The following CADM2 variants were observed in gnomAD, a reference collection of about 807,000 sequenced individuals.
CADM2 encodes cell adhesion molecule 2.
A neutral mutation model predicts 49.8 loss-of-function variants in CADM2; 12 were observed. The ratio of observed to expected loss-of-function variants is 0.24; its 90% CI spans 0.15 to 0.39. The LOEUF (loss-of-function observed/expected upper bound fraction) is 0.39. CADM2 is among the 10% of genes least tolerant of loss of function. The pLI is 1.00. For missense variants in CADM2, 378 were observed against 492.3 expected, an observed-to-expected ratio of 0.77 and a Z score of 2.20; for synonymous variants, 214 against 175.4, an observed-to-expected ratio of 1.22 and a Z score of -1.74.
At chr3:85,277,477 A>G (rs1322646812) in intron 1 of CADM2, among the ~76,000 whole-genome samples, 1 of 151,390 alleles carries the variant, frequency 6.6e-6, no homozygotes, top group Non-Finnish European at 1.5e-5. Context: ...TTCTAATCAT[A>G]ACTTCTCACT....
At chr3:85,037,957 C>G (rs548420946) in intron 1 of CADM2, among the ~76,000 whole-genome samples, 4 of 151,764 alleles carry the variant, frequency 2.6e-5, no homozygotes, top group Non-Finnish European at 5.9e-5. Flanking sequence ...ATTAGCCTCA[C>G]TGGTGGCCGG....
chr3:85,244,181 G>A (rs1559739930), intron 1 of CADM2, among the ~76,000 whole-genome samples: 1 of 152,012 alleles, frequency 6.6e-6, no homozygotes, highest in Non-Finnish European at 1.5e-5. Flanking sequence ...CTGGGTACAT[G>A]GCTAATCATG....
At chr3:85,185,922 G>A (rs1472886422) in intron 1 of CADM2, among the ~76,000 whole-genome samples, 1 of 152,040 alleles carries the variant, frequency 6.6e-6, no homozygotes, top group Non-Finnish European at 1.5e-5. Flanking sequence ...TTCTTCAACC[G>A]CAAAAGAAAT....
chr3:85,732,761 C>G (rs1050052247), intron 2 of CADM2, among the ~76,000 whole-genome samples: 3 of 152,046 alleles, frequency 2.0e-5, no homozygotes, highest in African/African-American at 7.2e-5. Context: ...AGATAGGTAC[C>G]ATTTTATCGT....
intron 1 of CADM2, among the ~76,000 whole-genome samples, chr3:85,504,123 G>C (rs1474346694): frequency 1.3e-5 from 2 of 152,126 alleles, no homozygotes; most frequent in South Asian, 2.1e-4. Context: ...CGGCGTGTCC[G>C]GAGTTTGTTC....
chr3:85,481,967 G>A (rs2039232539), intron 1 of CADM2, among the ~76,000 whole-genome samples: 1 of 151,510 alleles, frequency 6.6e-6, no homozygotes, highest in Non-Finnish European at 1.5e-5. Flanking sequence ...GAGATCAATG[G>A]GACAGTGTAT....
chr3:85,795,476 G>A (rs956875110), intron 2 of CADM2, among the ~76,000 whole-genome samples: 6 of 152,108 alleles, frequency 3.9e-5, no homozygotes, highest in Non-Finnish European at 7.4e-5. Flanking sequence ...GGGATTTTAG[G>A]CTGCGGGTCC....
chr3:85,475,840 C>T (rs1222150880), intron 1 of CADM2, among the ~76,000 whole-genome samples: 5 of 151,796 alleles, frequency 3.3e-5, no homozygotes, highest in African/African-American at 1.2e-4. Flanking sequence ...TGTTTCTAAA[C>T]GAATTATTAT....
At chr3:85,050,145 T>C (rs573095022) in intron 1 of CADM2, among the ~76,000 whole-genome samples, 3 of 152,204 alleles carry the variant, frequency 2.0e-5, no homozygotes, top group African/African-American at 7.2e-5. Context: ...TTAGTGAACA[T>C]TGCTCATCTT....
At chr3:85,411,543 C>T (rs527718911) in intron 1 of CADM2, among the ~76,000 whole-genome samples, 4 of 152,110 alleles carry the variant, frequency 2.6e-5, no homozygotes, top group Non-Finnish European at 5.9e-5. Context: ...ATTAAAATAT[C>T]TTTGATAAAA....
intron 2 of CADM2, among the ~76,000 whole-genome samples, chr3:85,797,673 G>A (rs951987201): frequency 1.3e-5 from 2 of 152,106 alleles, no homozygotes; most frequent in African/African-American, 4.8e-5. Flanking sequence ...TGGGCATTTG[G>A]GTTGGTTCCA....
At chr3:85,223,328 GA>G (rs2042081644) in intron 1 of CADM2, among the ~76,000 whole-genome samples, 1 of 152,102 alleles carries the variant, frequency 6.6e-6, no homozygotes, top group African/African-American at 2.4e-5. Flanking sequence ...GTTCTAAAAT[GA>G]AATGTTGTAT....
chr3:85,662,030 T>C (rs1186047657), intron 1 of CADM2, among the ~76,000 whole-genome samples: 3 of 152,042 alleles, frequency 2.0e-5, no homozygotes, highest in African/African-American at 7.2e-5. Context: ...TATATTTGTG[T>C]TCTTTTGGGA....
chr3:85,802,698 T>G (rs1252136765), intron 3 of CADM2, among the ~76,000 whole-genome samples: 1 of 152,110 alleles, frequency 6.6e-6, no homozygotes, highest in East Asian at 1.9e-4. Flanking sequence ...TGAAATTAAG[T>G]AAGAAGCTGT....
chr3:86,042,599 C>T (rs910899374), intron 8 of CADM2, among the ~76,000 whole-genome samples: 10 of 151,794 alleles, frequency 6.6e-5, no homozygotes, highest in Admixed American at 3.3e-4. Flanking sequence ...AGCTTACCAA[C>T]CAAAAAAAGT....
chr3:85,839,893 C>T (rs533310728), intron 3 of CADM2, among the ~76,000 whole-genome samples: 119 of 151,792 alleles, frequency 7.8e-4, no homozygotes, highest in Middle Eastern at 6.8e-3. Flanking sequence ...CGAATAATTA[C>T]GGGTAATAAA....
chr3:85,671,740 C>A (rs184156420), intron 1 of CADM2, among the ~76,000 whole-genome samples: 3 of 152,278 alleles, frequency 2.0e-5, no homozygotes, highest in East Asian at 3.9e-4. Context: ...CAGGTATACG[C>A]ATAGCTGAAT....
intron 8 of CADM2, chr3:85,993,393 C>A (rs1474365978): frequency 6.6e-6 from 1 of 152,184 alleles, no homozygotes; most frequent in Non-Finnish European, 1.5e-5. Flanking sequence ...TCTGCACTTA[C>A]TTCCACCACT....
intron 8 of CADM2, among the ~76,000 whole-genome samples, chr3:85,967,111 C>G (rs1160541679): frequency 3.3e-5 from 5 of 151,574 alleles, no homozygotes; most frequent in African/African-American, 1.2e-4. Context: ...CACTCAAAGA[C>G]AGAAAATCGT....
Sources: gnomAD v4.1 joint callset for allele counts (sites outside exome capture counted in the v4.1 genomes callset) on GRCh38, gnomAD v4.1.1 for gene constraint, MANE v1.5 for transcripts, NCBI Gene and HGNC (gene_info 2026-07-23, HGNC 2026-07-21) for gene names.